FBXO39: variants seen among roughly 807,000 people sequenced by gnomAD.
The protein encoded by FBXO39 is F-box only protein 39.
In FBXO39, 22 loss-of-function variants were observed where a neutral mutation model predicts 36.6. That is an observed-to-expected ratio of 0.60 (90% CI 0.43 to 0.86). The LOEUF (loss-of-function observed/expected upper bound fraction) is 0.86. FBXO39 is among the 40% of genes least tolerant of loss of function. The pLI is 0.00. For synonymous variants in FBXO39, 206 were observed against 205.8 expected (o/e 1.00, Z -0.01); for missense variants, 536 against 543.9 (o/e 0.99, Z 0.14).
At chr17:6,781,386 G>T (rs569643932) in intron 2 of FBXO39, among the ~76,000 whole-genome samples, 2 of 152,076 alleles carry the variant, frequency 1.3e-5, no homozygotes, top group Admixed American at 6.6e-5. Context: ...TTACACAACC[G>T]AAGAGCTCAG....
rs373018115 is a variant in FBXO39, at chr17:6,780,138, G to C, written c.270G>C (p.Glu90Asp). 6 of 1,614,092 alleles carry C rather than the reference G, an allele frequency of 3.7e-6. No individual in the cohort carries two copies. The highest frequency in any genetic ancestry group is 5.1e-6 in the Non-Finnish European group (6 of 1,180,048). ...TTAAGAAGTTTGGTCGTTATCTGGA[G>C]CACCTGGAGGTCAAATTCATGAATC... is the stretch of plus-strand genomic sequence containing the variant. ...WYVKKFGRYL[E>D]HLEVKFMNPY... The change falls in exon 2 of 4, where the codon GAG becomes GAC. Residue 90 changes from glutamate (E) to aspartate (D), a missense_variant. Coordinates refer to ENST00000321535, the MANE Select transcript of FBXO39 (RefSeq NM_153230.3).
chr17:6,784,046 A>G (rs142337751), intron 2 of FBXO39, among the ~76,000 whole-genome samples: 2 of 152,156 alleles, frequency 1.3e-5, no homozygotes, highest in Non-Finnish European at 2.9e-5. Context: ...TCGACAACAC[A>G]TTACAAAGAT....
At position 6,786,563 on chromosome 17, in the gene FBXO39, A is replaced by C. The variant is rs370838829; in HGVS notation, c.1024-217A>C. Among the ~76,000 whole-genome samples, 25 of 152,350 alleles carry C rather than the reference A, an allele frequency of 1.6e-4. No homozygotes were observed. In the East Asian group the frequency reaches 2.9e-3, roughly 18 times the overall value. ...AAGTCATGGATACTCTATTTACCCC[A>C]TTGTGATTATTACACATTGTATGCC... is the stretch of plus-strand genomic sequence containing the variant. On this transcript the variant is annotated intron_variant, in intron 2 of 3. Transcript: ENST00000321535.
rs761766879 is a variant in FBXO39, at chr17:6,786,912, CTG to C, written c.1157_1158del (p.Leu386GlnfsTer23). On this transcript the variant is annotated frameshift_variant, in exon 3 of 4. Transcript: ENST00000321535. LOFTEE classifies it high-confidence loss of function. Reference protein sequence around the residue: ...FLDVSFVERILKSQKERQCAL... With the variant: ...FLDVSFVERIXKSQKERQCAL... Reference sequence around the variant, plus strand: ...TGATGTTAGTTTTGTGGAGCGGATCCTGAAGAGTCAGAAAGAACGGCAGTGTG... The same window carrying C: ...TGATGTTAGTTTTGTGGAGCGGATCCAAGAGTCAGAAAGAACGGCAGTGTG... The C allele has an allele frequency of 4.3e-6, 7 of 1,614,040 alleles. No individual in the cohort carries two copies. The highest frequency in any genetic ancestry group is 5.9e-6 in the Non-Finnish European group (7 of 1,179,964).
At chr17:6,777,596 T>G (rs189309717) in intron 1 of FBXO39, among the ~76,000 whole-genome samples, 1 of 152,226 alleles carries the variant, frequency 6.6e-6, no homozygotes, top group Non-Finnish European at 1.5e-5. Context: ...TTAGGAGCTT[T>G]GCTTGGTGGT....
chr17:6,786,674 A>G (rs1055946239), intron 2 of FBXO39, 106 bp from the exon 3 acceptor site: 8 of 906,690 alleles, frequency 8.8e-6, no homozygotes, highest in South Asian at 5.5e-5. Flanking sequence ...CCCCCAAATC[A>G]TCATGGCTAT....
In FBXO39 at chr17:6,787,576, C is replaced by G; in HGVS notation, c.*148C>G. The G allele has an allele frequency of 1.1e-6, 1 of 875,360 alleles. No homozygotes were observed. The highest frequency in any genetic ancestry group is 1.7e-6 in the Non-Finnish European group (1 of 583,614). 54.2% of individuals were successfully genotyped at this position (875,360 alleles called of 1,614,324 possible). ...GTCAGCTCCATGACAACATGACCAG[C>G]TCAGCAAAGGCTGAGACTGCCCATG... is the stretch of plus-strand genomic sequence containing the variant. On this transcript the variant is annotated 3_prime_UTR_variant, in exon 4 of 4. Transcript: ENST00000321535.
At chr17:6,779,262 A>C (rs1976472737) in intron 1 of FBXO39, among the ~76,000 whole-genome samples, 1 of 152,020 alleles carries the variant, frequency 6.6e-6, no homozygotes, top group Non-Finnish European at 1.5e-5. Flanking sequence ...CAGTTCCTCC[A>C]TTTCCAGCCC....
intron 2 of FBXO39, among the ~76,000 whole-genome samples, chr17:6,782,714 G>A (rs1272564852): frequency 6.6e-6 from 1 of 152,112 alleles, no homozygotes; most frequent in East Asian, 1.9e-4. Context: ...AATTCAGCAA[G>A]AGGATATAAC....
chr17:6,779,864 C>A lies in FBXO39; in HGVS notation c.-5C>A. The A allele has an allele frequency of 6.2e-7, 1 of 1,613,604 alleles. No individual in the cohort carries two copies. Among genetic ancestry groups the A allele is most frequent in the South Asian group, 1.1e-5 (1 of 91,042 alleles). On this transcript the variant is annotated 5_prime_UTR_variant, in exon 2 of 4. Coordinates refer to ENST00000321535, the MANE Select transcript of FBXO39 (RefSeq NM_153230.3). ...CACAGCTGCACTGTACATCCCAGTTCCTGGATGGACGAAGAAAGTGAACTG... is the reference window on the plus strand; with the variant it reads ...CACAGCTGCACTGTACATCCCAGTTACTGGATGGACGAAGAAAGTGAACTG...
intron 3 of FBXO39, 50 bp from the exon 4 acceptor site, chr17:6,787,250 G>GCGCA (rs780962525): frequency 2.5e-6 from 4 of 1,581,564 alleles, no homozygotes; most frequent in Non-Finnish European, 3.4e-6. Flanking sequence ...GTGTGTGTGT[G>GCGCA]TGTGCGTGTG....
At chr17:6,786,702 C>A in intron 2 of FBXO39, 78 bp from the exon 3 acceptor site, 1 of 1,267,542 alleles carries the variant, frequency 7.9e-7, no homozygotes, top group South Asian at 1.5e-5. Flanking sequence ...AGAGCCAGGT[C>A]GTGGAAATGT....
chr17:6,784,073 G>A (rs1323226870), intron 2 of FBXO39, among the ~76,000 whole-genome samples: 1 of 152,114 alleles, frequency 6.6e-6, no homozygotes, highest in Non-Finnish European at 1.5e-5. Flanking sequence ...TCCTGACCAA[G>A]TGGGATTTAT....
Position 6,780,674 on chromosome 17 carries a change from G to T in FBXO39, c.806G>T (p.Trp269Leu). 1 of 1,614,130 alleles carries T rather than the reference G, an allele frequency of 6.2e-7. No homozygotes were observed. Among genetic ancestry groups the T allele is most frequent in the Non-Finnish European group, 8.5e-7 (1 of 1,180,026 alleles). ...CATGACCCCCACGGACAGGTCATCT[G>T]GGGTATGTCCTGGGCCAAGCTGGCC... ...HVHDPHGQVIWGMSWAKLARQ... is the reference protein window; with the variant it reads ...HVHDPHGQVILGMSWAKLARQ... Residue 269 changes from tryptophan to leucine, a missense_variant, in exon 2 of 4, where the codon TGG becomes TTG. Coordinates refer to ENST00000321535, the MANE Select transcript of FBXO39 (RefSeq NM_153230.3).
At chr17:6,779,010 C>T (rs1458213642) in intron 1 of FBXO39, among the ~76,000 whole-genome samples, 1 of 152,154 alleles carries the variant, frequency 6.6e-6, no homozygotes, top group East Asian at 1.9e-4. Flanking sequence ...GACATTTGAC[C>T]AATCAACCTT....
rs1383572310 is a variant in FBXO39, at chr17:6,786,968, C to T, written c.1200+12C>T. ...TGCGTGTATTCAAGGTAAGAGGTCC[C>T]CAGGCTGGTTCCACGGCGTAGAGTG... is the stretch of plus-strand genomic sequence containing the variant. On this transcript the variant is annotated intron_variant, in intron 3 of 3. Coordinates refer to ENST00000321535, the MANE Select transcript of FBXO39 (RefSeq NM_153230.3). 1.2e-6 allele frequency: 2 copies of T among 1,607,084 alleles called. No homozygotes were observed. The highest frequency in any genetic ancestry group is 4.5e-5 in the East Asian group (2 of 44,858).
At position 6,780,848 on chromosome 17, in the gene FBXO39, C is replaced by T; in HGVS notation, c.980C>T (p.Pro327Leu). 6.2e-7 allele frequency: 1 copy of T among 1,613,696 alleles called. No homozygotes were observed. The highest frequency in any genetic ancestry group is 1.7e-4 in the Middle Eastern group (1 of 6,010). ...AGTGACCCAGACTGTTCAATGAGAC[C>T]CACTCTGATAGATCTCCTGCCCACC... ...YFSDPDCSMR[P>L]TLIDLLPTFR... The change falls in exon 2 of 4, where the codon CCC becomes CTC. Residue 327 changes from proline (P) to leucine (L), a missense_variant. Transcript: ENST00000321535.
intron 1 of FBXO39, among the ~76,000 whole-genome samples, chr17:6,778,929 C>G (rs1396716769): frequency 2.0e-5 from 3 of 152,180 alleles, no homozygotes; most frequent in Admixed American, 6.5e-5. Flanking sequence ...CTGGACTCTG[C>G]TCTTGACCAT....
In FBXO39 at chr17:6,787,351, C is replaced by T; in HGVS notation, c.1252C>T (p.Gln418Ter). The T allele has an allele frequency of 6.2e-7, 1 of 1,613,990 alleles. No homozygotes were observed. Among genetic ancestry groups the T allele is most frequent in the Non-Finnish European group, 8.5e-7 (1 of 1,179,986 alleles). Residue 418 changes from glutamine to a stop codon, truncating the protein, a stop_gained, in exon 4 of 4, where the codon CAG (glutamine) becomes TAG (stop). Coordinates refer to ENST00000321535, the MANE Select transcript of FBXO39 (RefSeq NM_153230.3). LOFTEE classifies it high-confidence loss of function. ...GACGAATGAAGAGGACAAGACCCTG[C>T]AGGAAATTTACAGGAAGTACAGAAA... ...YETNEEDKTL[Q>*]EIYRKYRKLI...
Sources: allele counts gnomAD v4.1 joint callset (sites outside exome capture counted in the v4.1 genomes callset), GRCh38; gene constraint gnomAD v4.1.1; transcripts MANE v1.5; gene names NCBI Gene and HGNC (gene_info 2026-07-23, HGNC 2026-07-21).